Variants in ERC2 observed in about 807,000 individuals in gnomAD.
ERC2 encodes ERC protein 2.
Under a neutral mutation model 114.8 loss-of-function variants are expected in ERC2, and 42 were observed. That is an observed-to-expected ratio of 0.37 (90% confidence interval 0.29 to 0.47). The LOEUF (loss-of-function observed/expected upper bound fraction) is 0.47. Ranked by LOEUF, ERC2 falls within the 20% of genes least tolerant of loss-of-function variation. ERC2 has a pLI of 0.99. For missense variants in ERC2, 939 were observed against 1,150.7 expected, an observed-to-expected ratio of 0.82 and a Z score of 2.66; for synonymous variants, 454 against 425.5, an observed-to-expected ratio of 1.07 and a Z score of -0.82.
chr3:56,021,888 C>T (rs1359826874), intron 7 of ERC2, among the ~76,000 whole-genome samples: 4 of 152,218 alleles, frequency 2.6e-5, no homozygotes, highest in Non-Finnish European at 5.9e-5. Context: ...CATGTTCCCG[C>T]ACAAGACATT....
intron 14 of ERC2, among the ~76,000 whole-genome samples, chr3:55,744,337 G>T (rs1035711450): frequency 6.6e-6 from 1 of 152,202 alleles, no homozygotes; most frequent in African/African-American, 2.4e-5. Context: ...CCAGCAGGGG[G>T]AGGTTGCAGT....
chr3:56,088,731 A>G (rs377363963), intron 6 of ERC2, among the ~76,000 whole-genome samples: 3 of 152,288 alleles, frequency 2.0e-5, no homozygotes, highest in African/African-American at 7.2e-5. Context: ...AAATGTCATG[A>G]ACATTTCTAA....
intron 14 of ERC2, among the ~76,000 whole-genome samples, chr3:55,840,060 A>G (rs543095940): frequency 6.6e-6 from 1 of 152,174 alleles, no homozygotes; most frequent in African/African-American, 2.4e-5. Context: ...ATCAAAGTTG[A>G]TTTCCAAATA....
intron 13 of ERC2, among the ~76,000 whole-genome samples, chr3:55,894,572 C>T (rs1007699357): frequency 6.6e-6 from 1 of 152,200 alleles, no homozygotes. Context: ...CTTCTTCAAA[C>T]TTCATCCCCC....
intron 17 of ERC2, among the ~76,000 whole-genome samples, chr3:55,560,868 C>A (rs907761146): frequency 6.6e-6 from 1 of 152,170 alleles, no homozygotes; most frequent in African/African-American, 2.4e-5. Flanking sequence ...TGATCAGAAA[C>A]CCACTGTGGT....
At chr3:55,974,078 A>G (rs569777726) in intron 12 of ERC2, among the ~76,000 whole-genome samples, 1 of 152,242 alleles carries the variant, frequency 6.6e-6, no homozygotes, top group Non-Finnish European at 1.5e-5. Context: ...AAGCCAGCAC[A>G]GATCCTTTCT....
chr3:56,368,629 T>C (rs1466794813), intron 2 of ERC2, among the ~76,000 whole-genome samples: 1 of 152,138 alleles, frequency 6.6e-6, no homozygotes, highest in Non-Finnish European at 1.5e-5. Context: ...AATGGGTAAT[T>C]GGAAGGCCCA....
chr3:55,631,104 G>C (rs986717398), intron 17 of ERC2, among the ~76,000 whole-genome samples: 4 of 151,912 alleles, frequency 2.6e-5, no homozygotes. Context: ...TCTCATGGTG[G>C]TTTAGTTCAA....
At chr3:55,645,814 T>C (rs909885745) in intron 17 of ERC2, among the ~76,000 whole-genome samples, 1 of 152,122 alleles carries the variant, frequency 6.6e-6, no homozygotes, top group Non-Finnish European at 1.5e-5. Flanking sequence ...ACCATCAACG[T>C]TGGATAATGA....
intron 3 of ERC2, among the ~76,000 whole-genome samples, chr3:56,175,891 G>A (rs1330125332): frequency 6.6e-6 from 1 of 151,510 alleles, no homozygotes; most frequent in African/African-American, 2.4e-5. Context: ...TTAGTTATTA[G>A]AAGAAGTTTC....
chr3:55,922,329 C>T (rs1266321511), intron 13 of ERC2, among the ~76,000 whole-genome samples: 1 of 151,872 alleles, frequency 6.6e-6, no homozygotes, highest in Non-Finnish European at 1.5e-5. Flanking sequence ...AATCAAAGGC[C>T]TCCACACTGA....
chr3:55,679,696 C>T (rs578070263), intron 17 of ERC2, among the ~76,000 whole-genome samples: 4 of 152,348 alleles, frequency 2.6e-5, no homozygotes, highest in East Asian at 1.9e-4. Context: ...CTCAGTTATA[C>T]AAAATCTAAA....
chr3:55,884,294 G>A lies in ERC2; in HGVS notation c.2564+4095C>T, dbSNP rs1379765416. Among the ~76,000 whole-genome samples, 4 of 152,122 alleles carry A rather than the reference G, an allele frequency of 2.6e-5. 1 individual carries two copies. Among genetic ancestry groups the A allele is most frequent in the South Asian group, 4.1e-4 (2 of 4,826 alleles). On this transcript the variant is annotated intron_variant, in intron 14 of 17. Coordinates refer to ENST00000288221, the MANE Select transcript of ERC2 (RefSeq NM_015576.3). ...GTTTGCAACATAGAAGGTTGTTCACGTTCACAGAAGAAGAGGCACTTGCAA... is the reference window on the plus strand; with the variant it reads ...GTTTGCAACATAGAAGGTTGTTCACATTCACAGAAGAAGAGGCACTTGCAA...
intron 12 of ERC2, among the ~76,000 whole-genome samples, chr3:55,958,116 GA>G (rs1444560339): frequency 1.3e-5 from 2 of 152,224 alleles, no homozygotes; most frequent in Non-Finnish European, 2.9e-5. Flanking sequence ...CTGAGTGACA[GA>G]ACGGCTCTCA....
At chr3:55,952,169 ACACACACACACTCTCTCT>A (rs1419707445) in intron 12 of ERC2, among the ~76,000 whole-genome samples, 16 of 61,286 alleles carry the variant, frequency 2.6e-4, no homozygotes, top group Admixed American at 2.2e-3. Flanking sequence ...ACACACACAC[ACACACACACACTCTCTCT>A]CTCTCTCTCT....
At chr3:56,380,490 G>A (rs2059707784) in intron 2 of ERC2, among the ~76,000 whole-genome samples, 1 of 151,646 alleles carries the variant, frequency 6.6e-6, no homozygotes, top group Non-Finnish European at 1.5e-5. Flanking sequence ...CACCTTTTGT[G>A]TCTCCTTTCC....
At chr3:55,533,974 A>G (rs983046694) in intron 17 of ERC2, among the ~76,000 whole-genome samples, 2 of 152,208 alleles carry the variant, frequency 1.3e-5, no homozygotes, top group Admixed American at 6.5e-5. Context: ...ACAATTGGAC[A>G]GGTCAGGATG....
intron 3 of ERC2, among the ~76,000 whole-genome samples, chr3:56,254,582 ATCAT>A (rs1397562731): frequency 6.6e-6 from 1 of 151,902 alleles, no homozygotes; most frequent in Non-Finnish European, 1.5e-5. Context: ...CATTTGCACA[ATCAT>A]TCATTCATTC....
At chr3:56,249,311 A>G (rs997878986) in intron 3 of ERC2, among the ~76,000 whole-genome samples, 1 of 151,598 alleles carries the variant, frequency 6.6e-6, no homozygotes, top group South Asian at 2.1e-4. Context: ...GGCCACTTAC[A>G]AAGAATGTGA....
Sources: gnomAD v4.1 joint callset for allele counts (sites outside exome capture counted in the v4.1 genomes callset) on GRCh38, gnomAD v4.1.1 for gene constraint, MANE v1.5 for transcripts, NCBI Gene and HGNC (gene_info 2026-07-23, HGNC 2026-07-21) for gene names.